The following ATP9B variants were observed in gnomAD, a reference collection of about 807,000 sequenced individuals.
ATP9B encodes the protein ATPase phospholipid transporting 9B.
In ATP9B, 110 loss-of-function variants were observed where a neutral mutation model predicts 146.1. That is an observed-to-expected ratio of 0.75 (90% CI 0.65 to 0.88). The LOEUF is 0.88. Among genes scored for constraint, ATP9B ranks in the 40% least tolerant of loss-of-function variants. The pLI, the probability that ATP9B is intolerant of heterozygous loss-of-function variation, is 0.00. For missense variants in ATP9B, 1,499 were observed against 1,496.4 expected, an observed-to-expected ratio of 1.00 and a Z score of -0.03; for synonymous variants, 604 against 569.7, an observed-to-expected ratio of 1.06 and a Z score of -0.86.
intron 15 of ATP9B, among the ~76,000 whole-genome samples, chr18:79,312,922 A>G (rs2096660769): frequency 6.6e-6 from 1 of 152,236 alleles, no homozygotes; most frequent in South Asian, 2.1e-4. Context: ...CAGTTGAAGT[A>G]TTAGATTTCA....
chr18:79,337,513 G>T, intron 19 of ATP9B, 64 bp downstream of exon 19: 1 of 1,556,562 alleles, frequency 6.4e-7, no homozygotes, highest in East Asian at 2.3e-5. Context: ...GCTTTTCCTT[G>T]GGCATGGTGA....
chr18:79,107,052 A>C (rs571706580), intron 2 of ATP9B, among the ~76,000 whole-genome samples: 1 of 152,252 alleles, frequency 6.6e-6, no homozygotes, highest in African/African-American at 2.4e-5. Context: ...TTTGTATACT[A>C]GAACATCAGA....
intron 7 of ATP9B, among the ~76,000 whole-genome samples, chr18:79,164,622 G>A (rs1389804723): frequency 1.3e-5 from 2 of 152,146 alleles, no homozygotes; most frequent in Non-Finnish European, 2.9e-5. Flanking sequence ...AGGAGGCTGC[G>A]GCAGGAGAAT....
chr18:79,271,867 T>C (rs2096258811), intron 12 of ATP9B, among the ~76,000 whole-genome samples: 1 of 149,376 alleles, frequency 6.7e-6, no homozygotes, highest in Non-Finnish European at 1.5e-5. Context: ...AGTGTAAAAG[T>C]GTTCCTATTT....
chr18:79,094,840 A>C (rs2074652792), intron 1 of ATP9B, among the ~76,000 whole-genome samples: 1 of 152,208 alleles, frequency 6.6e-6, no homozygotes, highest in African/African-American at 2.4e-5. Flanking sequence ...GAAAGGAGGA[A>C]GAATTACTAG....
intron 25 of ATP9B, among the ~76,000 whole-genome samples, chr18:79,351,161 A>G (rs992326422): frequency 3.9e-5 from 6 of 152,224 alleles, no homozygotes; most frequent in Non-Finnish European, 8.8e-5. Flanking sequence ...AGTCATAGAA[A>G]AGCATAACCC....
At chr18:79,244,174 A>G (rs1336794482) in intron 11 of ATP9B, among the ~76,000 whole-genome samples, 2 of 150,846 alleles carry the variant, frequency 1.3e-5, no homozygotes, top group Non-Finnish European at 3.0e-5. Flanking sequence ...CTTTAAAAAC[A>G]CAGTTTTCAT....
chr18:79,356,946 C>G (rs80147662), intron 25 of ATP9B, among the ~76,000 whole-genome samples: 17 of 9,120 alleles, frequency 1.9e-3, no homozygotes, highest in South Asian at 0.012. Flanking sequence ...TGTGAGGGAC[C>G]CTGTGTGAGG....
intron 6 of ATP9B, chr18:79,144,108 C>G (rs2094547989): frequency 3.4e-6 from 1 of 295,382 alleles, no homozygotes; most frequent in East Asian, 5.7e-5. Context: ...CTTAATGTTG[C>G]ATTATCAAGA....
At chr18:79,290,065 T>C (rs901063630) in intron 13 of ATP9B, among the ~76,000 whole-genome samples, 5 of 151,938 alleles carry the variant, frequency 3.3e-5, no homozygotes, top group Non-Finnish European at 7.4e-5. Context: ...GGGTCAGGGG[T>C]CAGGGACCCA....
At chr18:79,190,774 G>A (rs746481732) in intron 8 of ATP9B, among the ~76,000 whole-genome samples, 35 of 152,054 alleles carry the variant, frequency 2.3e-4, no homozygotes, top group Admixed American at 1.4e-3. Flanking sequence ...TCAAACTCCT[G>A]GCCTCATGTG....
At chr18:79,173,383 T>A (rs959160187) in intron 7 of ATP9B, among the ~76,000 whole-genome samples, 4 of 152,012 alleles carry the variant, frequency 2.6e-5, no homozygotes, top group African/African-American at 9.7e-5. Context: ...ATGTCCTGTT[T>A]AGGAACTCAT....
chr18:79,220,602 T>C (rs893209554), intron 11 of ATP9B, among the ~76,000 whole-genome samples: 12 of 152,000 alleles, frequency 7.9e-5, no homozygotes, highest in Admixed American at 3.3e-4. Context: ...CCCTGTCTCA[T>C]TAAGAAAAAA....
At chr18:79,192,872 G>A (rs2095381380) in intron 8 of ATP9B, among the ~76,000 whole-genome samples, 2 of 152,162 alleles carry the variant, frequency 1.3e-5, no homozygotes, top group Non-Finnish European at 2.9e-5. Context: ...GTGACTTCAA[G>A]ATACTCCTAA....
chr18:79,297,194 G>C (rs184040712), intron 13 of ATP9B, among the ~76,000 whole-genome samples: 1 of 149,272 alleles, frequency 6.7e-6, no homozygotes, highest in African/African-American at 2.5e-5. Context: ...GACCCAGAGA[G>C]GAGACACAGA....
chr18:79,234,403 C>T (rs1187188016), intron 11 of ATP9B, among the ~76,000 whole-genome samples: 1 of 152,228 alleles, frequency 6.6e-6, no homozygotes, highest in Non-Finnish European at 1.5e-5. Context: ...CCTGCACACA[C>T]ATTTACACCC....
At chr18:79,298,027 T>C (rs2146343104) in intron 13 of ATP9B, among the ~76,000 whole-genome samples, 1 of 147,274 alleles carries the variant, frequency 6.8e-6, no homozygotes, top group East Asian at 2.0e-4. Flanking sequence ...CTCTGTGTGA[T>C]GGAGACGCAC....
chr18:79,105,762 G>A (rs1309510086), intron 2 of ATP9B, among the ~76,000 whole-genome samples: 4 of 152,180 alleles, frequency 2.6e-5, no homozygotes, highest in African/African-American at 4.8e-5. Context: ...TAAGAGGGGA[G>A]GGGAGGTATC....
intron 11 of ATP9B, among the ~76,000 whole-genome samples, chr18:79,250,188 G>T (rs958166622): frequency 2.0e-5 from 3 of 152,188 alleles, no homozygotes; most frequent in African/African-American, 7.2e-5. Flanking sequence ...GGCATTTTTT[G>T]AAAGGAAACT....
Sources: gnomAD v4.1 joint callset for allele counts (sites outside exome capture counted in the v4.1 genomes callset) on GRCh38, gnomAD v4.1.1 for gene constraint, MANE v1.5 for transcripts, NCBI Gene and HGNC (gene_info 2026-07-23, HGNC 2026-07-21) for gene names.